Variants in NLRP5 observed in about 807,000 individuals in gnomAD.
NLRP5 encodes NLR family pyrin domain containing 5.
A neutral mutation model predicts 113.1 loss-of-function variants in NLRP5; 93 were observed. That is an observed-to-expected ratio of 0.82 (90% CI 0.70 to 0.98). The LOEUF is 0.98. NLRP5 is among the 50% of genes least tolerant of loss of function. The pLI, the probability that NLRP5 is intolerant of heterozygous loss-of-function variation, is 0.00. For missense variants in NLRP5, 1,808 were observed against 1,514.3 expected (o/e 1.19, Z -3.22); for synonymous variants, 751 against 600.7 (o/e 1.25, Z -3.66).
rs559745095 is a variant in NLRP5 at position 56,007,530 on chromosome 19, C to T, written c.443-1258C>T. ...TTCTGAGCATAAAGTCAGGGCATCC[C>T]AAAGCCTTTAACAGAGGGTTTGGCT... On this transcript the variant is annotated intron_variant, in intron 2 of 14. Coordinates refer to ENST00000390649, the MANE Select transcript of NLRP5 (RefSeq NM_153447.4). 4.0e-5 allele frequency among the ~76,000 whole-genome samples: 6 copies of T among 151,164 alleles called. No individual in the cohort carries two copies. The South Asian group carries it at 1.2e-3, about 31-fold the overall frequency.
At chr19:56,000,185 C>T (rs184389218) in intron 1 of NLRP5, among the ~76,000 whole-genome samples, 1 of 152,174 alleles carries the variant, frequency 6.6e-6, no homozygotes, top group African/African-American at 2.4e-5. Flanking sequence ...CACCTCTCCG[C>T]TCTTCTCAAT....
chr19:55,997,183 G>T (rs1981352968), upstream of NLRP5, among the ~76,000 whole-genome samples: 1 of 150,970 alleles, frequency 6.6e-6, no homozygotes, highest in African/African-American at 2.5e-5. Context: ...TGATGGGGTT[G>T]TTTGTTTTTT....
intron 6 of NLRP5, among the ~76,000 whole-genome samples, chr19:56,024,548 TA>T (rs1982760901): frequency 6.8e-6 from 1 of 146,170 alleles, no homozygotes. Context: ...TATGTATGTA[TA>T]TGTGTATATA....
At chr19:56,019,766 T>C (rs892080335) in intron 5 of NLRP5, among the ~76,000 whole-genome samples, 1 of 152,076 alleles carries the variant, frequency 6.6e-6, no homozygotes, top group African/African-American at 2.4e-5. Flanking sequence ...TCAACTAATA[T>C]GTACATGAAT....
chr19:56,004,566 G>C (rs564975247), intron 2 of NLRP5, among the ~76,000 whole-genome samples: 4 of 152,136 alleles, frequency 2.6e-5, no homozygotes, highest in South Asian at 2.1e-4. Context: ...TGCGAGTCTC[G>C]TGCTTGGCCG....
chr19:56,056,175 AAT>A (rs1030229549), intron 13 of NLRP5, among the ~76,000 whole-genome samples: 2 of 152,134 alleles, frequency 1.3e-5, no homozygotes, highest in African/African-American at 4.8e-5. Flanking sequence ...CCCTTCAAAT[AAT>A]ATAAAATCAT....
chr19:56,055,754 C>T (rs1039097971), intron 13 of NLRP5, among the ~76,000 whole-genome samples: 5 of 147,842 alleles, frequency 3.4e-5, no homozygotes, highest in Middle Eastern at 3.4e-3. Flanking sequence ...ACCGTGTTAG[C>T]CAGGATGGTC....
Position 56,046,754 on chromosome 19 carries a change from G to A in NLRP5, c.2958-3664G>A, listed in dbSNP as rs147273392. On this transcript the variant is annotated intron_variant, in intron 11 of 14. Coordinates refer to ENST00000390649, the MANE Select transcript of NLRP5 (RefSeq NM_153447.4). ...AGAGACGGGGTTTCACCGTGGTCTC[G>A]ATCTCCTGACCTCGTGATCTGCCCG... Among the ~76,000 whole-genome samples, 31 of 152,060 alleles carry A rather than the reference G, an allele frequency of 2.0e-4. No homozygotes were observed. The East Asian group carries it at 5.4e-3, about 27-fold the overall frequency.
chr19:56,033,596 G>C lies in NLRP5; in HGVS notation c.2502G>C (p.Met834Ile). Residue 834 changes from methionine (M) to isoleucine (I), a missense_variant, in exon 9 of 15, where the codon ATG becomes ATC. Coordinates refer to ENST00000390649, the MANE Select transcript of NLRP5 (RefSeq NM_153447.4). ...TGCAGCACCTCTGGAGAATCGTCAT[G>C]GCCAACCGTAACCTAAGATCCCTCA... The C allele has an allele frequency of 6.2e-7, 1 of 1,613,726 alleles. No homozygotes were observed. Among genetic ancestry groups the C allele is most frequent in the Non-Finnish European group, 8.5e-7 (1 of 1,179,694 alleles).
chr19:56,043,818 T>C (rs191040), intron 11 of NLRP5, among the ~76,000 whole-genome samples: 26,322 of 151,186 alleles, frequency 0.17, 2,562 homozygotes, highest in Middle Eastern at 0.3. Context: ...ACCTTGTGAT[T>C]TGCCCTCCTC....
At chr19:56,028,639 G>A (rs968153411) in intron 7 of NLRP5, 130 bp downstream of exon 7, 30 of 911,694 alleles carry the variant, frequency 3.3e-5, no homozygotes, top group Non-Finnish European at 3.8e-5. Flanking sequence ...CCCAGATGAC[G>A]TCCAGCTGGC....
intron 6 of NLRP5, among the ~76,000 whole-genome samples, chr19:56,022,426 G>A (rs1464671745): frequency 6.6e-6 from 1 of 151,990 alleles, no homozygotes; most frequent in African/African-American, 2.4e-5. Context: ...AGGGGGTCTC[G>A]CTATGTTGCT....
intron 3 of NLRP5, among the ~76,000 whole-genome samples, chr19:56,010,893 T>G (rs947878257): frequency 6.6e-6 from 1 of 151,876 alleles, no homozygotes; most frequent in African/African-American, 2.4e-5. Flanking sequence ...GACTCATACC[T>G]GTAATCCCAG....
chr19:55,991,783 T>A, the NLRP5 span, among the ~76,000 whole-genome samples: 1 of 152,184 alleles, frequency 6.6e-6, no homozygotes, highest in African/African-American at 2.4e-5. Context: ...AAATATAAAT[T>A]AGGTAAATAT....
chr19:56,057,220 T>C (rs1412906351), intron 13 of NLRP5, among the ~76,000 whole-genome samples: 6 of 152,186 alleles, frequency 3.9e-5, no homozygotes, highest in Admixed American at 6.5e-5. Context: ...AAACAATCAT[T>C]AGTATTTTAG....
intron 6 of NLRP5, among the ~76,000 whole-genome samples, chr19:56,026,279 A>G (rs1245043576): frequency 1.3e-5 from 2 of 151,952 alleles, no homozygotes; most frequent in African/African-American, 4.8e-5. Flanking sequence ...CTGTAATCCC[A>G]GCACTTTGGG....
At chr19:56,028,665 G>T (rs543341576) in intron 7 of NLRP5, among the ~76,000 whole-genome samples, 156 bp downstream of exon 7, 3 of 152,138 alleles carry the variant, frequency 2.0e-5, no homozygotes, top group Non-Finnish European at 2.9e-5. Flanking sequence ...TGCCAGGACC[G>T]GAATCTGGCT....
At chr19:56,029,953 G>C (rs920717943) in intron 7 of NLRP5, among the ~76,000 whole-genome samples, 1 of 151,664 alleles carries the variant, frequency 6.6e-6, no homozygotes, top group Non-Finnish European at 1.5e-5. Context: ...TACTCAGGAC[G>C]TTGAGGCAGG....
intron 11 of NLRP5, among the ~76,000 whole-genome samples, chr19:56,044,067 C>CTTTTTT (rs35674471): frequency 1.0e-4 from 14 of 139,874 alleles, no homozygotes; most frequent in African/African-American, 3.5e-4. Flanking sequence ...AGTCTTAGGT[C>CTTTTTT]TTTTTTTTTT....
Sources: gnomAD v4.1 joint callset for allele counts (sites outside exome capture counted in the v4.1 genomes callset) on GRCh38, gnomAD v4.1.1 for gene constraint, MANE v1.5 for transcripts, NCBI Gene and HGNC (gene_info 2026-07-23, HGNC 2026-07-21) for gene names.